The following ATRX variants were observed in gnomAD, a reference collection of about 807,000 sequenced individuals.
ATRX encodes chromatin remodeler ATRX.
ATRX carries 12 observed loss-of-function variants against 172.6 expected under a neutral mutation model. That is an observed-to-expected ratio of 0.07 (90% CI 0.04 to 0.11). The LOEUF (loss-of-function observed/expected upper bound fraction) is 0.11, where lower values mean the gene tolerates loss of function less well. Ranked by LOEUF, ATRX falls within the 10% of genes least tolerant of loss-of-function variation. The pLI is 1.00. For missense variants in ATRX, 1,368 were observed against 1,767.4 expected, an observed-to-expected ratio of 0.77 and a Z score of 4.05; for synonymous variants, 674 against 594.7, an observed-to-expected ratio of 1.13 and a Z score of -1.94.
At chrX:77,742,958 A>G (rs2074935742) in intron 1 of ATRX, among the ~76,000 whole-genome samples, 1 of 111,451 alleles carries the variant, frequency 9.0e-6, no homozygotes, top group Admixed American at 9.6e-5. Flanking sequence ...TGTGAGCAGT[A>G]CGGGGAAGCA....
At chrX:77,689,681 C>T (rs1402493930) in intron 6 of ATRX, among the ~76,000 whole-genome samples, 3 of 112,521 alleles carry the variant, frequency 2.7e-5, no homozygotes, top group Non-Finnish European at 5.6e-5. Context: ...CAGCCTCCCT[C>T]TTGTCCCTAG....
At chrX:77,698,968 A>G in intron 2 of ATRX, 1 of 239,643 alleles carries the variant, frequency 4.2e-6, no homozygotes. Flanking sequence ...AATAAAGTAT[A>G]TTTCATTTTA....
At chrX:77,776,781 T>A (rs186334655) in intron 1 of ATRX, among the ~76,000 whole-genome samples, 17 of 111,737 alleles carry the variant, frequency 1.5e-4, no homozygotes, top group African/African-American at 5.5e-4. Flanking sequence ...GTACAACAGA[T>A]GTAAATATGT....
intron 19 of ATRX, among the ~76,000 whole-genome samples, chrX:77,627,145 A>C (rs2067898596): frequency 9.0e-6 from 1 of 111,675 alleles, no homozygotes; most frequent in Admixed American, 9.4e-5. Context: ...AGGCAGGAGA[A>C]TGGCGTGAAC....
In ATRX at chrX:77,786,007, C is replaced by T; in HGVS notation, c.-6G>A. On this transcript the variant is annotated 5_prime_UTR_variant, in exon 1 of 35. Transcript: ENST00000373344. The stretch of plus-strand genomic sequence containing the variant: ...CTCATGGGCTCAGCGGTCATGTTTT[C>T]GCTTGAACGCCTTGTCGGCTTCTGT... The T allele has an allele frequency of 8.4e-7, 1 of 1,193,359 alleles. No individual in the cohort carries two copies. Among genetic ancestry groups the T allele is most frequent in the South Asian group, 1.8e-5 (1 of 54,381 alleles).
At chrX:77,562,267 T>C (rs781835592) in intron 28 of ATRX, among the ~76,000 whole-genome samples, 5 of 112,397 alleles carry the variant, frequency 4.4e-5, no homozygotes, top group Non-Finnish European at 9.4e-5. Context: ...GCTGTGAACA[T>C]TTGTGTTTAG....
intron 13 of ATRX, among the ~76,000 whole-genome samples, chrX:77,656,212 T>C (rs1557119799): frequency 9.0e-6 from 1 of 111,451 alleles, no homozygotes; most frequent in African/African-American, 3.3e-5. Context: ...AACTGAAGCA[T>C]AGATTATTTA....
At chrX:77,662,680 T>C (rs782328873) in intron 12 of ATRX, among the ~76,000 whole-genome samples, 2 of 111,430 alleles carry the variant, frequency 1.8e-5, no homozygotes, top group African/African-American at 6.5e-5. Context: ...TGAGCAGATA[T>C]GCTTAAATTT....
At chrX:77,751,095 G>A (rs2075283534) in intron 1 of ATRX, among the ~76,000 whole-genome samples, 1 of 112,034 alleles carries the variant, frequency 8.9e-6, no homozygotes, top group Admixed American at 9.5e-5. Context: ...AGATCCTTGA[G>A]GAATAGCCAC....
intron 30 of ATRX, among the ~76,000 whole-genome samples, chrX:77,538,021 C>T (rs185147832): frequency 3.0e-4 from 33 of 110,235 alleles, no homozygotes; most frequent in Admixed American, 4.9e-4. Context: ...ACAACACACG[C>T]TAGGGACTGT....
At chrX:77,758,913 G>A (rs1170372695) in intron 1 of ATRX, among the ~76,000 whole-genome samples, 7 of 111,800 alleles carry the variant, frequency 6.3e-5, no homozygotes, top group Non-Finnish European at 9.4e-5. Flanking sequence ...ATTCCATGAC[G>A]TAAAGCTGCC....
chrX:77,518,262 G>A (rs1373576315), intron 34 of ATRX, among the ~76,000 whole-genome samples: 1 of 111,863 alleles, frequency 8.9e-6, no homozygotes, highest in Non-Finnish European at 1.9e-5. Flanking sequence ...TCTGGTATTT[G>A]GAAAAACCTA....
chrX:77,610,404 T>C (rs2067104487), intron 22 of ATRX, among the ~76,000 whole-genome samples: 1 of 111,870 alleles, frequency 8.9e-6, no homozygotes, highest in Non-Finnish European at 1.9e-5. Context: ...AGCTGGAAGA[T>C]ATGTCAGAAT....
intron 1 of ATRX, among the ~76,000 whole-genome samples, chrX:77,729,876 G>A (rs1170237258): frequency 8.9e-6 from 1 of 111,903 alleles, no homozygotes; most frequent in African/African-American, 3.2e-5. Context: ...GGCAGAGGCT[G>A]CAGTGAGCCA....
At chrX:77,538,530 T>C (rs1557049316) in intron 30 of ATRX, among the ~76,000 whole-genome samples, 1 of 111,380 alleles carries the variant, frequency 9.0e-6, no homozygotes, top group African/African-American at 3.3e-5. Context: ...ATTAACACTA[T>C]TCAGGTGATG....
chrX:77,783,530 T>G (rs1557206466), intron 1 of ATRX, among the ~76,000 whole-genome samples: 1 of 112,183 alleles, frequency 8.9e-6, no homozygotes, highest in Non-Finnish European at 1.9e-5. Context: ...CTTTTTTTTA[T>G]AAACACAAGT....
In ATRX at chrX:77,574,318, T is replaced by C; in HGVS notation, c.6258A>G (p.Leu2086=). 1 of 1,207,533 alleles carries C rather than the reference T, an allele frequency of 8.3e-7. No individual in the cohort carries two copies. The highest frequency in any genetic ancestry group is 1.1e-6 in the Non-Finnish European group (1 of 891,929). ...TTGACTGTGCAGTAGTGGAACCATCTAAACGGTAATAGTCAATGTTTCGAA... is the reference window on the plus strand; with the variant it reads ...TTGACTGTGCAGTAGTGGAACCATCCAAACGGTAATAGTCAATGTTTCGAA... ...KWLRNIDYYR[L]DGSTTAQSRK... Residue 2086 remains leucine, a synonymous_variant, in exon 28 of 35, where the codon TTA becomes TTG. Coordinates refer to ENST00000373344, the MANE Select transcript of ATRX (RefSeq NM_000489.6).
chrX:77,625,192 T>A (rs187741583), intron 19 of ATRX, among the ~76,000 whole-genome samples: 1 of 112,192 alleles, frequency 8.9e-6, no homozygotes, highest in Non-Finnish European at 1.9e-5. Context: ...GCTACCCACA[T>A]GTAGGAGAAT....
intron 29 of ATRX, among the ~76,000 whole-genome samples, chrX:77,558,288 G>C (rs1426652760): frequency 2.7e-5 from 3 of 110,475 alleles, no homozygotes; most frequent in African/African-American, 9.8e-5. Flanking sequence ...CAAATAACAG[G>C]AAAGAGTTTA....
Sources: gnomAD v4.1 joint callset for allele counts (sites outside exome capture counted in the v4.1 genomes callset) on GRCh38, gnomAD v4.1.1 for gene constraint, MANE v1.5 for transcripts, NCBI Gene and HGNC (gene_info 2026-07-23, HGNC 2026-07-21) for gene names.